The following CRNKL1 variants were observed in gnomAD, a reference collection of about 807,000 sequenced individuals.
The protein encoded by CRNKL1 is crooked neck-like protein 1.
A neutral mutation model predicts 103.7 loss-of-function variants in CRNKL1; 35 were observed. The observed-to-expected ratio is 0.34, with a 90% CI of 0.26 to 0.45. The LOEUF (loss-of-function observed/expected upper bound fraction) is 0.45, where lower values mean the gene tolerates loss of function less well. Among genes scored for constraint, CRNKL1 ranks in the 20% least tolerant of loss-of-function variants. The pLI is 1.00. For synonymous variants in CRNKL1, 267 were observed against 282.6 expected (o/e 0.94, Z 0.55); for missense variants, 645 against 836.0 (o/e 0.77, Z 2.82).
In CRNKL1 at chr20:20,045,305, T is replaced by C. The variant is rs1273798375; in HGVS notation, c.801+3A>G. The stretch of plus-strand genomic sequence containing the variant: ...ACAGTATAATGAAGTTAGGTATACT[T>C]ACCTCTTTCTGATTTTCTTCAAACT... On this transcript the variant is annotated splice_donor_region_variant and intron_variant, in intron 6 of 13. Transcript: ENST00000536226. 2 of 1,608,544 alleles carry C rather than the reference T, an allele frequency of 1.2e-6. No individual in the cohort carries two copies. The highest frequency in any genetic ancestry group is 2.7e-5 in the African/African-American group (2 of 74,662).
Position 20,045,318 on chromosome 20 carries a change from T to C in CRNKL1, c.791A>G (p.Asn264Ser). 6.2e-7 allele frequency: 1 copy of C among 1,610,486 alleles called. No individual in the cohort carries two copies. Among genetic ancestry groups the C allele is most frequent in the Non-Finnish European group, 8.5e-7 (1 of 1,178,092 alleles). ...GTTAGGTATACTTACCTCTTTCTGA[T>C]TTTCTTCAAACTTGGCAAAGGCAAC... ...LYVAFAKFEE[N>S]QKEFERVRVI... Residue 264 changes from asparagine (N) to serine (S), a missense_variant, in exon 6 of 14, where the codon AAT (asparagine) becomes AGT (serine). By Grantham distance (46) the Asn-to-Ser change is conservative (BLOSUM62 1). Transcript: ENST00000536226.
chr20:20,039,751 T>C lies in CRNKL1; in HGVS notation c.1403A>G (p.Tyr468Cys). 3 of 1,614,214 alleles carry C rather than the reference T, an allele frequency of 1.9e-6. No homozygotes were observed. The highest frequency in any genetic ancestry group is 2.5e-6 in the Non-Finnish European group (3 of 1,180,036). Residue 468 changes from tyrosine (Y) to cysteine (C), a missense_variant, in exon 11 of 14, where the codon TAT (tyrosine) becomes TGT (cysteine). Physicochemically the swap from Tyr to Cys is radical, Grantham distance 194 (BLOSUM62 -2). Around this residue, in one of 2 missense-constraint regions of CRNKL1, gnomAD observed 582 missense variants for 707.7 expected, o/e 0.82. Coordinates refer to ENST00000536226, the MANE Select transcript of CRNKL1 (RefSeq NM_001278628.2). ...LREFDRCRKL[Y>C]EKFLEFGPEN... ...AGGTCCAAATTCCAGGAACTTTTCA[T>C]AAAGCTTCCGGCATCTGTCAAATTC...
Position 20,036,100 on chromosome 20 carries a change from C to A in CRNKL1, c.*95G>T. 1 of 1,266,314 alleles carries A rather than the reference C, an allele frequency of 7.9e-7. No homozygotes were observed. The allele number at this position is 1,266,314 out of a possible 1,614,324, so 78.4% of individuals were successfully genotyped here. ...AGCCATCAAAGATACCAATCAATTT[C>A]TTACTGGTGAAATATATAAGAACTT... On this transcript the variant is annotated 3_prime_UTR_variant, in exon 14 of 14. Transcript: ENST00000536226.
Position 20,042,476 on chromosome 20 carries a change from C to T in CRNKL1, c.1013G>A (p.Arg338His), listed in dbSNP as rs146936626. Reference protein sequence around the residue: ...HNYDAWFDYLRLVESDAEAEA... With the variant: ...HNYDAWFDYLHLVESDAEAEA... Reference sequence around the variant, plus strand: ...AGCTTCTGCGTCACTTTCTACCAAGCGCAAGTAATCAAACCATGCATCATA... The same window carrying T: ...AGCTTCTGCGTCACTTTCTACCAAGTGCAAGTAATCAAACCATGCATCATA... The change falls in exon 8 of 14, where the codon CGC becomes CAC. Residue 338 changes from arginine to histidine, a missense_variant. By Grantham distance (29) the Arg-to-His change is conservative. Transcript: ENST00000536226. The T allele has an allele frequency of 7.4e-6, 12 of 1,613,932 alleles. No homozygotes were observed. Among genetic ancestry groups the T allele is most frequent in the South Asian group, 2.2e-5 (2 of 91,058 alleles).
intron 5 of CRNKL1, among the ~76,000 whole-genome samples, chr20:20,046,692 C>G (rs2043599198): frequency 6.6e-6 from 1 of 152,220 alleles, no homozygotes; most frequent in African/African-American, 2.4e-5. Context: ...GCCCCACTGA[C>G]AGGGATTCAA....
At chr20:20,049,275 T>C in intron 3 of CRNKL1, 65 bp downstream of exon 3, 1 of 964,996 alleles carries the variant, frequency 1.0e-6, no homozygotes, top group Non-Finnish European at 1.6e-6. Flanking sequence ...TTTTTCTTCT[T>C]TTCTTTTTGG....
At chr20:20,047,707 GAGC>G in intron 5 of CRNKL1, 55 bp downstream of exon 5, 3 of 1,543,958 alleles carry the variant, frequency 1.9e-6, no homozygotes, top group Non-Finnish European at 8.9e-7. Flanking sequence ...ATCTCTACAG[GAGC>G]AGCAGCAGCA....
upstream of CRNKL1, among the ~76,000 whole-genome samples, chr20:20,055,580 T>C (rs1368534724): frequency 6.6e-6 from 1 of 152,238 alleles, no homozygotes; most frequent in Non-Finnish European, 1.5e-5. Flanking sequence ...CTCGCTCGCT[T>C]TCTTTCTTCT....
intron 7 of CRNKL1, 106 bp from the exon 8 acceptor site, chr20:20,042,622 A>G: frequency 2.0e-6 from 2 of 985,382 alleles, no homozygotes; most frequent in Non-Finnish European, 3.0e-6. Flanking sequence ...ATATTTTAGC[A>G]CCTTTTCTTC....
Position 20,036,110 on chromosome 20 carries a change from A to AAAT in CRNKL1, c.*82_*84dup. The AAAT allele has an allele frequency of 7.5e-7, 1 of 1,339,912 alleles. No individual in the cohort carries two copies. Among genetic ancestry groups the AAAT allele is most frequent in the East Asian group, 2.4e-5 (1 of 41,662 alleles). The allele number at this position is 1,339,912 out of a possible 1,614,324, so 83.0% of individuals were successfully genotyped here. On this transcript the variant is annotated 3_prime_UTR_variant, in exon 14 of 14. Transcript: ENST00000536226. Reference sequence around the variant, plus strand: ...GATACCAATCAATTTCTTACTGGTGAAATATATAAGAACTTCCAGGAGTCA... The same window carrying AAAT: ...GATACCAATCAATTTCTTACTGGTGAAATAATATATAAGAACTTCCAGGAGTCA...
rs1017214499 is a variant in CRNKL1 at position 20,050,683 on chromosome 20, C to T, written c.52-61G>A. The T allele has an allele frequency of 7.5e-6, 11 of 1,458,612 alleles. No homozygotes were observed. The East Asian group carries it at 1.4e-4, about 18-fold the overall frequency. The allele number at this position is 1,458,612 out of a possible 1,614,324, so 90.4% of individuals were successfully genotyped here. On this transcript the variant is annotated intron_variant, in intron 1 of 13. Coordinates refer to ENST00000536226, the MANE Select transcript of CRNKL1 (RefSeq NM_001278628.2). ...TGCTCTTCACACAAGGCTTAAGAAACAAACATACATTTTTTAGGATATGAA... is the reference window on the plus strand; with the variant it reads ...TGCTCTTCACACAAGGCTTAAGAAATAAACATACATTTTTTAGGATATGAA...
upstream of CRNKL1, chr20:20,052,727 A>C: frequency 1.2e-6 from 2 of 1,600,536 alleles, no homozygotes; most frequent in African/African-American, 1.3e-5. Context: ...GGCGCCCTGC[A>C]AGGGAGTAAG....
upstream of CRNKL1, chr20:20,055,914 A>G (rs1282348208): frequency 4.0e-6 from 6 of 1,505,202 alleles, no homozygotes; most frequent in South Asian, 5.7e-5. Context: ...AATTGAGACA[A>G]TGAGAGAGAA....
chr20:20,053,167 T>C (rs1208990825), upstream of CRNKL1, among the ~76,000 whole-genome samples: 5 of 152,180 alleles, frequency 3.3e-5, no homozygotes, highest in East Asian at 3.8e-4. Flanking sequence ...AGACAAATGC[T>C]CAGTAGATGT....
intron 9 of CRNKL1, among the ~76,000 whole-genome samples, chr20:20,041,263 G>A (rs142722554): frequency 2.1e-3 from 323 of 152,290 alleles, no homozygotes; most frequent in African/African-American, 7.5e-3. Context: ...CAACAAACCC[G>A]CCTGTGTGTC....
chr20:20,044,759 G>A (rs1201449234), intron 6 of CRNKL1, among the ~76,000 whole-genome samples: 1 of 151,668 alleles, frequency 6.6e-6, no homozygotes, highest in African/African-American at 2.4e-5. Flanking sequence ...AGCTGGGACT[G>A]TAGGTGTGCA....
rs771112536 is a variant in CRNKL1 at position 20,052,461 on chromosome 20, G to A, written c.-119C>T. On this transcript the variant is annotated 5_prime_UTR_variant, in exon 1 of 14. Coordinates refer to ENST00000536226, the MANE Select transcript of CRNKL1 (RefSeq NM_001278628.2). ...CAAACAGGATCTCGGAACCGGAAGC[G>A]GAACTTGCAGGACTGACCTTTGACC... The A allele has an allele frequency of 1.5e-5, 24 of 1,614,246 alleles. No individual in the cohort carries two copies. The highest frequency in any genetic ancestry group is 2.0e-5 in the Non-Finnish European group (24 of 1,180,046).
At chr20:20,043,374 C>T (rs2043545567) in intron 7 of CRNKL1, 118 bp downstream of exon 7, 3 of 987,960 alleles carry the variant, frequency 3.0e-6, no homozygotes, top group South Asian at 3.6e-5. Flanking sequence ...ATCACGGGCA[C>T]ATCATCACGA....
intron 13 of CRNKL1, 47 bp from the exon 14 acceptor site, chr20:20,036,409 T>C: frequency 6.4e-7 from 1 of 1,566,908 alleles, no homozygotes; most frequent in Non-Finnish European, 8.8e-7. Flanking sequence ...GGTGATATAC[T>C]CACATATCAG....
Sources: allele counts gnomAD v4.1 joint callset (sites outside exome capture counted in the v4.1 genomes callset), GRCh38; gene constraint gnomAD v4.1.1; regional missense constraint gnomAD v4.1.1; transcripts MANE v1.5; gene names NCBI Gene and HGNC (gene_info 2026-07-23, HGNC 2026-07-21).